CSMD1: variants seen among roughly 807,000 people sequenced by gnomAD.
The protein encoded by CSMD1 is CUB and sushi domain-containing protein 1.
Under a neutral mutation model 417.5 loss-of-function variants are expected in CSMD1, and 213 were observed. That is an observed-to-expected ratio of 0.51 (90% confidence interval 0.46 to 0.57). The LOEUF (loss-of-function observed/expected upper bound fraction) is 0.57, where lower values mean the gene tolerates loss of function less well. CSMD1 is among the 20% of genes least tolerant of loss of function. CSMD1 has a pLI of 0.00. For synonymous variants in CSMD1, 2,862 were observed against 1,736.8 expected (o/e 1.65, Z -16.11); for missense variants, 6,923 against 4,529.7 (o/e 1.53, Z -15.17).
At chr8:4,487,047 C>A (rs748291454) in intron 2 of CSMD1, among the ~76,000 whole-genome samples, 27 of 152,150 alleles carry the variant, frequency 1.8e-4, no homozygotes, top group Non-Finnish European at 3.1e-4. Context: ...ATTGTAATAT[C>A]TTTCCGCTTT....
At chr8:4,379,722 G>A (rs1312566987) in intron 3 of CSMD1, among the ~76,000 whole-genome samples, 5 of 131,774 alleles carry the variant, frequency 3.8e-5, no homozygotes. Context: ...GGGCAATGAA[G>A]CAACAGTGGC....
At chr8:3,203,521 T>C (rs1337063272) in intron 31 of CSMD1, among the ~76,000 whole-genome samples, 1 of 152,192 alleles carries the variant, frequency 6.6e-6, no homozygotes, top group Non-Finnish European at 1.5e-5. Flanking sequence ...AAGAATGGAA[T>C]ATAAGAAATT....
At chr8:3,165,920 A>G (rs996638422) in intron 37 of CSMD1, among the ~76,000 whole-genome samples, 1 of 152,134 alleles carries the variant, frequency 6.6e-6, no homozygotes, top group African/African-American at 2.4e-5. Context: ...GAGGTGGGGG[A>G]ATGTAGACAA....
chr8:4,790,360 A>T (rs1266657966), intron 1 of CSMD1, among the ~76,000 whole-genome samples: 3 of 152,230 alleles, frequency 2.0e-5, no homozygotes, highest in Non-Finnish European at 4.4e-5. Flanking sequence ...TTCCATGCTC[A>T]TGGACAGGAA....
intron 21 of CSMD1, among the ~76,000 whole-genome samples, chr8:3,353,324 A>C (rs1432620267): frequency 1.3e-5 from 2 of 152,208 alleles, no homozygotes; most frequent in Non-Finnish European, 2.9e-5. Flanking sequence ...TTAAATCAGA[A>C]GAATTCTTGC....
At chr8:4,157,424 T>C (rs545048782) in intron 3 of CSMD1, among the ~76,000 whole-genome samples, 1 of 152,262 alleles carries the variant, frequency 6.6e-6, no homozygotes, top group East Asian at 1.9e-4. Flanking sequence ...TCGTCCTTTT[T>C]CTTTCTCTAT....
At chr8:4,703,527 G>C (rs747052498) in intron 1 of CSMD1, among the ~76,000 whole-genome samples, 59 of 152,094 alleles carry the variant, frequency 3.9e-4, no homozygotes, top group Non-Finnish European at 7.2e-4. Flanking sequence ...AATTGATACA[G>C]TTTTTATCAA....
intron 3 of CSMD1, among the ~76,000 whole-genome samples, chr8:4,409,592 G>A (rs1166063719): frequency 6.6e-6 from 1 of 150,668 alleles, no homozygotes; most frequent in Admixed American, 6.6e-5. Context: ...AATTTGTTCT[G>A]TGTACTCTGA....
chr8:4,156,907 C>G (rs891485439), intron 3 of CSMD1, among the ~76,000 whole-genome samples: 1 of 152,110 alleles, frequency 6.6e-6, no homozygotes, highest in South Asian at 2.1e-4. Context: ...TTTTTCTTAC[C>G]TCTCCGGACA....
intron 23 of CSMD1, among the ~76,000 whole-genome samples, chr8:3,326,839 C>A (rs183449701): frequency 6.6e-6 from 1 of 152,046 alleles, no homozygotes; most frequent in Admixed American, 6.6e-5. Flanking sequence ...AATGCCTTTT[C>A]AGGATTCTTA....
rs1342226413 is a variant in CSMD1 at position 4,344,471 on chromosome 8, C to A, written c.415+75482G>T. Among the ~76,000 whole-genome samples the A allele has an allele frequency of 3.3e-5, 5 of 151,790 alleles. No individual in the cohort carries two copies. In the East Asian group the frequency reaches 5.8e-4, roughly 18 times the overall value. ...CAAAGATGCATTCTTTTACAAATGT[C>A]TACCTCTATCTCTCAATCTATTTTT... On this transcript the variant is annotated intron_variant, in intron 3 of 69. Transcript: ENST00000635120.
At chr8:3,599,874 G>C (rs974349801) in intron 8 of CSMD1, among the ~76,000 whole-genome samples, 1 of 152,156 alleles carries the variant, frequency 6.6e-6, no homozygotes, top group East Asian at 1.9e-4. Flanking sequence ...AAGTGTAATG[G>C]AGTGAGATGG....
intron 17 of CSMD1, 102 bp downstream of exon 17, chr8:3,396,092 G>C: frequency 3.0e-6 from 3 of 996,046 alleles, no homozygotes; most frequent in South Asian, 3.1e-5. Context: ...AGCAGGATCA[G>C]TAAACTAGCA....
At chr8:3,751,072 T>C (rs1477952992) in intron 6 of CSMD1, among the ~76,000 whole-genome samples, 2 of 151,944 alleles carry the variant, frequency 1.3e-5, no homozygotes, top group Non-Finnish European at 2.9e-5. Flanking sequence ...GTAAATGTGG[T>C]TTTAAGCAGG....
intron 1 of CSMD1, among the ~76,000 whole-genome samples, chr8:4,852,200 T>C (rs547502816): frequency 3.3e-5 from 5 of 152,336 alleles, no homozygotes; most frequent in South Asian, 2.1e-4. Flanking sequence ...AACATACTTA[T>C]ATGGTTTGGA....
intron 52 of CSMD1, among the ~76,000 whole-genome samples, chr8:3,008,314 A>T (rs887213460): frequency 6.6e-6 from 1 of 152,186 alleles, no homozygotes; most frequent in African/African-American, 2.4e-5. Flanking sequence ...TCTGAGGTTC[A>T]TTAGGGACAC....
intron 49 of CSMD1, among the ~76,000 whole-genome samples, chr8:3,085,547 C>T (rs1814464162): frequency 6.6e-6 from 1 of 152,212 alleles, no homozygotes; most frequent in Non-Finnish European, 1.5e-5. Context: ...ATACCCTGAT[C>T]ATGTTCCCAC....
At chr8:3,681,056 T>C (rs1799635058) in intron 7 of CSMD1, among the ~76,000 whole-genome samples, 1 of 152,158 alleles carries the variant, frequency 6.6e-6, no homozygotes, top group South Asian at 2.1e-4. Flanking sequence ...ATAAGAGCTA[T>C]TTAAGACAAA....
At chr8:3,691,494 C>T (rs1002987391) in intron 7 of CSMD1, among the ~76,000 whole-genome samples, 1 of 152,180 alleles carries the variant, frequency 6.6e-6, no homozygotes, top group Non-Finnish European at 1.5e-5. Flanking sequence ...TGTTTCACTG[C>T]AAGGCATCTA....
Sources: allele counts gnomAD v4.1 joint callset (sites outside exome capture counted in the v4.1 genomes callset), GRCh38; gene constraint gnomAD v4.1.1; transcripts MANE v1.5; gene names NCBI Gene and HGNC (gene_info 2026-07-23, HGNC 2026-07-21).